The following MIB1 variants were observed in gnomAD, a reference collection of about 807,000 sequenced individuals.
The protein encoded by MIB1 is E3 ubiquitin-protein ligase MIB1.
MIB1 carries 278 observed loss-of-function variants against 124.5 expected under a neutral mutation model. The observed-to-expected ratio is 2.23, with a 90% CI of 2.02 to 2.47. The LOEUF is 2.47. MIB1 is among the 30% of genes most tolerant of loss of function. The probability of loss-of-function intolerance (pLI) is 0.00; values close to 1 mark genes in which losing one functional copy is unlikely to be tolerated. For missense variants in MIB1, 957 were observed against 1,254.4 expected (o/e 0.76, Z 3.58); for synonymous variants, 446 against 429.4 (o/e 1.04, Z -0.48).
chr18:21,773,743 G>A lies in MIB1; in HGVS notation c.636+15G>A. The A allele has an allele frequency of 6.6e-7, 1 of 1,514,604 alleles. No individual in the cohort carries two copies. The highest frequency in any genetic ancestry group is 8.9e-7 in the Non-Finnish European group (1 of 1,118,132). 93.8% of individuals were successfully genotyped at this position (1,514,604 alleles called of 1,614,324 possible). The stretch of plus-strand genomic sequence containing the variant: ...TTGAGGGCATGGTAAGTAGTGAAGA[G>A]CCATAGCAGGTGAAAGAAAATGTTG... On this transcript the variant is annotated intron_variant, in intron 4 of 20. Coordinates refer to ENST00000261537, the MANE Select transcript of MIB1 (RefSeq NM_020774.4).
At chr18:21,803,208 G>A (rs1196280389) in intron 9 of MIB1, among the ~76,000 whole-genome samples, 1 of 151,936 alleles carries the variant, frequency 6.6e-6, no homozygotes, top group Non-Finnish European at 1.5e-5. Flanking sequence ...TGTCATTTTA[G>A]TGTGGTTTCA....
chr18:21,773,059 A>C (rs371887649), intron 3 of MIB1, among the ~76,000 whole-genome samples: 1 of 152,166 alleles, frequency 6.6e-6, no homozygotes, highest in African/African-American at 2.4e-5. Flanking sequence ...TGAGGTCAGG[A>C]GTTCGAGACC....
chr18:21,834,777 A>G (rs898505935), intron 12 of MIB1, among the ~76,000 whole-genome samples: 1 of 152,216 alleles, frequency 6.6e-6, no homozygotes, highest in Admixed American at 6.5e-5. Flanking sequence ...CTAAGGAGAA[A>G]AGACAACTAA....
chr18:21,753,570 A>C (rs889578730), intron 1 of MIB1, among the ~76,000 whole-genome samples: 14 of 152,128 alleles, frequency 9.2e-5, no homozygotes, highest in African/African-American at 3.4e-4. Flanking sequence ...AGTCAAGTCT[A>C]AGTTTTGTTT....
At chr18:21,784,411 A>C (rs1157208661) in intron 6 of MIB1, among the ~76,000 whole-genome samples, 3 of 152,170 alleles carry the variant, frequency 2.0e-5, no homozygotes, top group Non-Finnish European at 4.4e-5. Flanking sequence ...TGAAGCTTAC[A>C]AAAAACATCT....
Position 21,856,271 on chromosome 18 carries a change from C to CA in MIB1, c.2666-849dup, listed in dbSNP as rs1361074998. ...ACAAAAAACAAAAAACAAAACAAAA[C>CA]AAAAAAAAAACAATCATAACAACAT... On this transcript the variant is annotated intron_variant, in intron 18 of 20. Transcript: ENST00000261537. Among the ~76,000 whole-genome samples the CA allele has an allele frequency of 3.9e-3, 495 of 125,712 alleles. 1 individual carries two copies. The highest frequency in any genetic ancestry group is 6.3e-3 in the Non-Finnish European group (357 of 57,102). 82.5% of individuals were successfully genotyped at this position (125,712 alleles called of 152,430 possible).
chr18:21,717,459 A>G (rs908804935), intron 1 of MIB1, among the ~76,000 whole-genome samples: 2 of 152,198 alleles, frequency 1.3e-5, no homozygotes, highest in African/African-American at 2.4e-5. Context: ...TAAACAGACA[A>G]CCCACAGAGT....
At position 21,864,745 on chromosome 18, in the gene MIB1, C is replaced by T; in HGVS notation, c.*79C>T. The T allele has an allele frequency of 9.0e-7, 1 of 1,107,474 alleles. No individual in the cohort carries two copies. The highest frequency in any genetic ancestry group is 1.3e-6 in the Non-Finnish European group (1 of 774,922). The allele number at this position is 1,107,474 out of a possible 1,614,324, so 68.6% of individuals were successfully genotyped here. On this transcript the variant is annotated 3_prime_UTR_variant, in exon 21 of 21. Transcript: ENST00000261537. ...TAGGCTTTTGATCTAGTTGGAAGTT[C>T]TGATGAGTTAATTTCTAATATCATA... is the stretch of plus-strand genomic sequence containing the variant.
chr18:21,843,083 T>C (rs1439297236), intron 13 of MIB1, 48 bp from the exon 14 acceptor site: 1 of 1,381,406 alleles, frequency 7.2e-7, no homozygotes, highest in Non-Finnish European at 1.0e-6. Context: ...TTCATGTTCT[T>C]TACTGTTGTC....
At chr18:21,795,411 T>C (rs973652099) in intron 7 of MIB1, among the ~76,000 whole-genome samples, 1 of 145,850 alleles carries the variant, frequency 6.9e-6, no homozygotes, top group Non-Finnish European at 1.5e-5. Context: ...CACACACATA[T>C]ATATAATATA....
At chr18:21,734,188 G>A (rs1461175990) in intron 1 of MIB1, among the ~76,000 whole-genome samples, 2 of 146,302 alleles carry the variant, frequency 1.4e-5, no homozygotes, top group African/African-American at 5.1e-5. Flanking sequence ...CTTATTGCAA[G>A]CTCCGCCTCC....
At chr18:21,803,288 A>T (rs1200878945) in intron 9 of MIB1, among the ~76,000 whole-genome samples, 6 of 152,150 alleles carry the variant, frequency 3.9e-5, no homozygotes, top group Non-Finnish European at 7.4e-5. Flanking sequence ...TGTGGATGGG[A>T]TGTAAAAGGG....
chr18:21,730,673 G>A (rs2040765224), intron 1 of MIB1, among the ~76,000 whole-genome samples: 1 of 152,162 alleles, frequency 6.6e-6, no homozygotes. Flanking sequence ...ACTGGTCCAG[G>A]TCACCATCTT....
intron 20 of MIB1, among the ~76,000 whole-genome samples, chr18:21,863,431 G>A (rs1040053024): frequency 6.6e-6 from 1 of 152,198 alleles, no homozygotes; most frequent in Non-Finnish European, 1.5e-5. Flanking sequence ...TGAAGGCAGA[G>A]AGTTTTATTA....
At chr18:21,803,485 T>C (rs2041671477) in intron 9 of MIB1, among the ~76,000 whole-genome samples, 2 of 152,338 alleles carry the variant, frequency 1.3e-5, no homozygotes, top group Admixed American at 6.5e-5. Context: ...TGATGTTTGG[T>C]ATTTTTGTTG....
chr18:21,802,553 A>G (rs1006622987), intron 9 of MIB1, among the ~76,000 whole-genome samples: 1 of 152,118 alleles, frequency 6.6e-6, no homozygotes, highest in Non-Finnish European at 1.5e-5. Context: ...ATACAATGTC[A>G]TGTCTTTCCT....
At chr18:21,718,946 T>G (rs1237485747) in intron 1 of MIB1, among the ~76,000 whole-genome samples, 1 of 151,846 alleles carries the variant, frequency 6.6e-6, no homozygotes, top group Non-Finnish European at 1.5e-5. Flanking sequence ...CTCAGCACTT[T>G]GGGAGGCCAA....
chr18:21,744,027 A>G (rs995164320), intron 1 of MIB1, among the ~76,000 whole-genome samples: 19 of 151,554 alleles, frequency 1.3e-4, no homozygotes, highest in African/African-American at 4.6e-4. Flanking sequence ...TTTTAAGAGC[A>G]GGATAGCCAA....
chr18:21,790,470 T>G (rs2146441544), intron 6 of MIB1, among the ~76,000 whole-genome samples: 1 of 152,320 alleles, frequency 6.6e-6, no homozygotes, highest in South Asian at 2.1e-4. Flanking sequence ...TTAGACCTAT[T>G]TAAGATAGGT....
Sources: gnomAD v4.1 joint callset for allele counts (sites outside exome capture counted in the v4.1 genomes callset) on GRCh38, gnomAD v4.1.1 for gene constraint, MANE v1.5 for transcripts, NCBI Gene and HGNC (gene_info 2026-07-23, HGNC 2026-07-21) for gene names.